The following PHACTR2 variants were observed in gnomAD, a reference collection of about 807,000 sequenced individuals.
PHACTR2 encodes phosphatase and actin regulator 2.
In PHACTR2, 30 loss-of-function variants were observed where a neutral mutation model predicts 76.0. The ratio of observed to expected loss-of-function variants is 0.39; its 90% confidence interval spans 0.30 to 0.54. PHACTR2 has a LOEUF of 0.54. PHACTR2 is among the 20% of genes least tolerant of loss of function. PHACTR2 has a pLI of 0.61. For missense variants in PHACTR2, 696 were observed against 781.1 expected (o/e 0.89, Z 1.30); for synonymous variants, 292 against 292.5 (o/e 1.00, Z 0.02).
chr6:143,805,678 C>T (rs2128483440), intron 11 of PHACTR2, among the ~76,000 whole-genome samples: 1 of 152,282 alleles, frequency 6.6e-6, no homozygotes, highest in South Asian at 2.1e-4. Flanking sequence ...CAGGCTCACA[C>T]ATATTTCTCT....
chr6:143,790,076 G>A (rs895212742), intron 11 of PHACTR2, among the ~76,000 whole-genome samples: 1 of 152,172 alleles, frequency 6.6e-6, no homozygotes, highest in Non-Finnish European at 1.5e-5. Context: ...GACATGGTGA[G>A]AGGGAGCATT....
chr6:143,673,197 T>G (rs1291275242), upstream of PHACTR2, among the ~76,000 whole-genome samples: 1 of 152,180 alleles, frequency 6.6e-6, no homozygotes, highest in Non-Finnish European at 1.5e-5. Context: ...CAGTCAATTC[T>G]AGGTGAATGA....
Position 143,697,089 on chromosome 6 carries a change from A to G in PHACTR2, c.47-14927A>G, listed in dbSNP as rs1390758520. 6.6e-6 allele frequency among the ~76,000 whole-genome samples: 1 copy of G among 152,210 alleles called. No individual in the cohort carries two copies. Among genetic ancestry groups the G allele is most frequent in the African/African-American group, 2.4e-5 (1 of 41,456 alleles). On this transcript the variant is annotated intron_variant, in intron 1 of 12. Coordinates refer to ENST00000440869, the MANE Select transcript of PHACTR2 (RefSeq NM_001100164.2). The surrounding 1 kb of genome is among the most constrained non-coding windows in gnomAD (Gnocchi z 4.4). ...AATTGAAAGCCTAAAATATTGCCAC[A>G]TAACTGAACATCTGTCATAATGCTA...
chr6:143,614,864 T>C (rs1486881580), intron 1 of PHACTR2, among the ~76,000 whole-genome samples: 1 of 152,210 alleles, frequency 6.6e-6, no homozygotes, highest in Non-Finnish European at 1.5e-5. Context: ...TTGGGGGTCA[T>C]GCACAGATTT....
chr6:143,695,475 C>A lies in PHACTR2; in HGVS notation c.47-16541C>A, dbSNP rs1339159915. ...CCTAAGGCATAAAAATGGCGTCTTA[C>A]TATAGACAGTGGAAATAACTGATAA... On this transcript the variant is annotated intron_variant, in intron 1 of 12. Coordinates refer to ENST00000440869, the MANE Select transcript of PHACTR2 (RefSeq NM_001100164.2). The surrounding 1 kb of genome is among the most constrained non-coding windows in gnomAD (Gnocchi z 4.4). Among the ~76,000 whole-genome samples, 1 of 152,204 alleles carries A rather than the reference C, an allele frequency of 6.6e-6. No individual in the cohort carries two copies. The highest frequency in any genetic ancestry group is 1.5e-5 in the Non-Finnish European group (1 of 68,038).
Position 143,806,800 on chromosome 6 carries a change from T to A in PHACTR2, c.1846-257T>A, listed in dbSNP as rs995920631. On this transcript the variant is annotated intron_variant, in intron 11 of 12. Transcript: ENST00000440869. The surrounding 1 kb of genome is among the most constrained non-coding windows in gnomAD (Gnocchi z 5.8). Reference sequence around the variant, plus strand: ...GAGACTGTGTCTCTACCAAAAAAAATTTAAAAATTAGCTGAGCATGGTGGC... The same window carrying A: ...GAGACTGTGTCTCTACCAAAAAAAAATTAAAAATTAGCTGAGCATGGTGGC... Among the ~76,000 whole-genome samples, 1 of 151,862 alleles carries A rather than the reference T, an allele frequency of 6.6e-6. No individual in the cohort carries two copies. Among genetic ancestry groups the A allele is most frequent in the Non-Finnish European group, 1.5e-5 (1 of 67,954 alleles).
At chr6:143,745,475 A>T (rs1458147694) in intron 2 of PHACTR2, among the ~76,000 whole-genome samples, 1 of 152,226 alleles carries the variant, frequency 6.6e-6, no homozygotes, top group Non-Finnish European at 1.5e-5. Context: ...TCTCAGGAAT[A>T]TTCTGAGACA....
Position 143,710,400 on chromosome 6 carries a change from A to C in PHACTR2, c.47-1616A>C, listed in dbSNP as rs1778147865. 6.6e-6 allele frequency among the ~76,000 whole-genome samples: 1 copy of C among 152,146 alleles called. No homozygotes were observed. The highest frequency in any genetic ancestry group is 6.6e-5 in the Admixed American group (1 of 15,266). On this transcript the variant is annotated intron_variant, in intron 1 of 12. Coordinates refer to ENST00000440869, the MANE Select transcript of PHACTR2 (RefSeq NM_001100164.2). This position sits in a 1 kb window ranked among gnomAD's most constrained non-coding sequence, Gnocchi z 4.9. ...GTATTTAGCCAGAGGAATAAGAAAA[A>C]GTTAAGTTTGGGCTGCGTGTGGTGG...
intron 2 of PHACTR2, among the ~76,000 whole-genome samples, chr6:143,727,706 A>G (rs1778606226): frequency 6.6e-6 from 1 of 152,156 alleles, no homozygotes; most frequent in Non-Finnish European, 1.5e-5. Flanking sequence ...TTCCCTGATG[A>G]TTAGTGGTTT....
chr6:143,691,762 G>C (rs549799638), intron 1 of PHACTR2, among the ~76,000 whole-genome samples: 2 of 152,090 alleles, frequency 1.3e-5, no homozygotes, highest in Non-Finnish European at 2.9e-5. Context: ...GAAAATAGCT[G>C]TTTAATAATG....
In PHACTR2 at chr6:143,608,379, C is replaced by T. The variant is rs1582695560; in HGVS notation, c.13+57C>T. ...TGCTGGCTTCCTTTGCAGCCCGCATCCTTTACTGCGGAAGGTTTGCCTATT... is the reference window on the plus strand; with the variant it reads ...TGCTGGCTTCCTTTGCAGCCCGCATTCTTTACTGCGGAAGGTTTGCCTATT... On this transcript the variant is annotated intron_variant, in intron 1 of 11. Transcript: ENST00000305766. This position sits in a 1 kb window ranked among gnomAD's most constrained non-coding sequence, Gnocchi z 4.6. The T allele has an allele frequency of 1.9e-6, 3 of 1,569,152 alleles. No homozygotes were observed. The highest frequency in any genetic ancestry group is 1.1e-5 in the South Asian group (1 of 89,932).
chr6:143,555,856 G>A (rs1335271713), intron 1 of PHACTR2, among the ~76,000 whole-genome samples: 1 of 150,674 alleles, frequency 6.6e-6, no homozygotes, highest in African/African-American at 2.4e-5. Flanking sequence ...ATCACCTCAG[G>A]ATGGTTTCTT....
At chr6:143,714,160 A>G (rs1778247819) in intron 2 of PHACTR2, among the ~76,000 whole-genome samples, 2 of 152,220 alleles carry the variant, frequency 1.3e-5, no homozygotes, top group South Asian at 2.1e-4. Flanking sequence ...CTGTTTGGAT[A>G]TGATCAGGGC....
chr6:143,547,766 C>T lies in PHACTR2; in HGVS notation c.217+10559C>T, dbSNP rs947740083. 1.3e-5 allele frequency among the ~76,000 whole-genome samples: 2 copies of T among 152,160 alleles called. No individual in the cohort carries two copies. Among genetic ancestry groups the T allele is most frequent in the South Asian group, 2.1e-4 (1 of 4,836 alleles). On this transcript the variant is annotated intron_variant, in intron 1 of 11. Coordinates refer to the PHACTR2 transcript ENST00000367584. The surrounding 1 kb of genome is among the most constrained non-coding windows in gnomAD (Gnocchi z 4.2). ...GAGAGTGTGGCTTCATGATACCTTGCGGCCAGGAACTGATACATTGATACA... is the reference window on the plus strand; with the variant it reads ...GAGAGTGTGGCTTCATGATACCTTGTGGCCAGGAACTGATACATTGATACA...
intron 1 of PHACTR2, among the ~76,000 whole-genome samples, chr6:143,631,603 A>G (rs1324713121): frequency 1.3e-5 from 2 of 152,122 alleles, no homozygotes. Flanking sequence ...AGACTTTCTC[A>G]CACTAATAGG....
chr6:143,787,893 T>C lies in PHACTR2; in HGVS notation c.1708-880T>C, dbSNP rs1178202645. ...GCTACAATAGAGGTCTAAGTCTACC[T>C]CTCTGGAGATAACTGTGATACCACC... is the stretch of plus-strand genomic sequence containing the variant. On this transcript the variant is annotated intron_variant, in intron 10 of 12. Transcript: ENST00000440869. The surrounding 1 kb of genome is among the most constrained non-coding windows in gnomAD (Gnocchi z 4.6). Among the ~76,000 whole-genome samples, 1 of 152,164 alleles carries C rather than the reference T, an allele frequency of 6.6e-6. No homozygotes were observed. Among genetic ancestry groups the C allele is most frequent in the Non-Finnish European group, 1.5e-5 (1 of 68,030 alleles).
At chr6:143,691,921 TC>T (rs749324805) in intron 1 of PHACTR2, among the ~76,000 whole-genome samples, 3 of 152,218 alleles carry the variant, frequency 2.0e-5, no homozygotes, top group Non-Finnish European at 4.4e-5. Context: ...ATGCATTCTG[TC>T]TTGGATAATG....
rs1776228745 is a variant in PHACTR2, at chr6:143,624,950, G to A, written c.13+16628G>A. ...GCGGGCGGATCATTTGAGGTCAGGA[G>A]TACAAGACCAGCCTGGTCAACATGG... On this transcript the variant is annotated intron_variant, in intron 1 of 11. Coordinates refer to the PHACTR2 transcript ENST00000305766. The surrounding 1 kb of genome is among the most constrained non-coding windows in gnomAD (Gnocchi z 4.6). Among the ~76,000 whole-genome samples the A allele has an allele frequency of 6.6e-6, 1 of 152,060 alleles. No individual in the cohort carries two copies. The highest frequency in any genetic ancestry group is 1.5e-5 in the Non-Finnish European group (1 of 68,008).
rs1295305085 is a variant in PHACTR2, at chr6:143,616,693, A to G, written c.13+8371A>G. Among the ~76,000 whole-genome samples the G allele has an allele frequency of 6.6e-6, 1 of 152,136 alleles. No individual in the cohort carries two copies. The highest frequency in any genetic ancestry group is 1.5e-5 in the Non-Finnish European group (1 of 68,032). ...GCAAAATTAGTAATGAATAGACAAA[A>G]TGCTTGGGGTTGTGATCAGTGCTGC... is the stretch of plus-strand genomic sequence containing the variant. On this transcript the variant is annotated intron_variant, in intron 1 of 11. Transcript: ENST00000305766. The surrounding 1 kb of genome is among the most constrained non-coding windows in gnomAD (Gnocchi z 4.9).
Sources: allele counts gnomAD v4.1 joint callset (sites outside exome capture counted in the v4.1 genomes callset), GRCh38; gene constraint gnomAD v4.1.1; non-coding constraint Gnocchi (gnomAD v3.1); transcripts MANE v1.5; gene names NCBI Gene and HGNC (gene_info 2026-07-23, HGNC 2026-07-21).